PAG1: variants seen among roughly 807,000 people sequenced by gnomAD.
PAG1 encodes the protein phosphoprotein membrane anchor with glycosphingolipid microdomains 1, also known as phosphoprotein associated with glycosphingolipid-enriched microdomains 1.
In PAG1, 23 loss-of-function variants were observed where a neutral mutation model predicts 31.7. That is an observed-to-expected ratio of 0.73 (90% CI 0.52 to 1.03). PAG1 has a LOEUF of 1.03. Among genes scored for constraint, PAG1 ranks in the 50% least tolerant of loss-of-function variants. The pLI is 0.00. For synonymous variants in PAG1, 214 were observed against 210.3 expected (o/e 1.02, Z -0.15); for missense variants, 473 against 540.7 (o/e 0.87, Z 1.24).
At chr8:81,051,583 T>C (rs77297124) in intron 2 of PAG1, among the ~76,000 whole-genome samples, 16,295 of 152,178 alleles carry the variant, frequency 0.11, 999 homozygotes, top group East Asian at 0.22. Context: ...ATTAGAATGA[T>C]GAGAAAAGGA....
chr8:81,101,638 G>A (rs545867437), intron 1 of PAG1, among the ~76,000 whole-genome samples: 4 of 152,146 alleles, frequency 2.6e-5, no homozygotes, highest in East Asian at 1.9e-4. Flanking sequence ...TGCTCTGTGC[G>A]CCTACTGATA....
At chr8:81,000,722 A>T (rs1180091747) in intron 3 of PAG1, among the ~76,000 whole-genome samples, 1 of 152,174 alleles carries the variant, frequency 6.6e-6, no homozygotes, top group East Asian at 1.9e-4. Flanking sequence ...GATTATAGGC[A>T]TGAGCCACCG....
chr8:81,057,082 G>C (rs1808836206), intron 2 of PAG1, among the ~76,000 whole-genome samples: 1 of 152,178 alleles, frequency 6.6e-6, no homozygotes, highest in African/African-American at 2.4e-5. Context: ...AGGTGCTGGA[G>C]AGGATGTGAA....
intron 1 of PAG1, among the ~76,000 whole-genome samples, chr8:81,078,028 A>T (rs984720725): frequency 1.3e-5 from 2 of 152,232 alleles, no homozygotes; most frequent in African/African-American, 4.8e-5. Flanking sequence ...ATTATTTCCG[A>T]CATGGCCATT....
At position 81,096,668 on chromosome 8, in the gene PAG1, G is replaced by A. The variant is rs182759719; in HGVS notation, c.-234+14923C>T. Reference sequence around the variant, plus strand: ...GTGAGTTTCAAGTGAGCTGACAGCAGATGAGCGGGGAGGGTGCATGGCTTT... The same window carrying A: ...GTGAGTTTCAAGTGAGCTGACAGCAAATGAGCGGGGAGGGTGCATGGCTTT... On this transcript the variant is annotated intron_variant, in intron 1 of 8. Transcript: ENST00000220597. Among the ~76,000 whole-genome samples the A allele has an allele frequency of 4.6e-5, 7 of 152,334 alleles. No individual in the cohort carries two copies. The East Asian group carries it at 1.2e-3, about 25-fold the overall frequency.
intron 2 of PAG1, among the ~76,000 whole-genome samples, chr8:81,068,094 A>C (rs1809036174): frequency 6.6e-6 from 1 of 152,146 alleles, no homozygotes; most frequent in Non-Finnish European, 1.5e-5. Context: ...ACGGGGTTTC[A>C]CCATGTTGGC....
chr8:80,968,915 G>A lies in PAG1; in HGVS notation c.*7629C>T, dbSNP rs1268612723. 1 of 152,184 alleles carries A rather than the reference G, an allele frequency of 6.6e-6. No individual in the cohort carries two copies. The highest frequency in any genetic ancestry group is 1.5e-5 in the Non-Finnish European group (1 of 68,040). The allele number at this position is 152,184 out of a possible 1,614,324, so 9.4% of individuals were successfully genotyped here. On this transcript the variant is annotated 3_prime_UTR_variant, in exon 9 of 9. Transcript: ENST00000220597. The stretch of plus-strand genomic sequence containing the variant: ...GACATGAGAACTGAGACACACAGGG[G>A]CAGCAAGTCTGAATTTTGCTCTCAT...
intron 2 of PAG1, among the ~76,000 whole-genome samples, chr8:81,049,698 C>T (rs908327160): frequency 7.9e-5 from 12 of 152,178 alleles, no homozygotes; most frequent in Non-Finnish European, 1.8e-4. Context: ...CTTATATCAC[C>T]ATTTTCCAGT....
intron 1 of PAG1, among the ~76,000 whole-genome samples, chr8:81,074,644 C>T (rs555179879): frequency 1.8e-4 from 27 of 152,276 alleles, no homozygotes; most frequent in Non-Finnish European, 2.9e-4. Context: ...ATGGCAGAAT[C>T]TCAGACCCTA....
rs1235168358 is a variant in PAG1, at chr8:80,987,435, A to C, written c.209T>G (p.Val70Gly). Residue 70 changes from valine to glycine, a missense_variant, in exon 6 of 9, where the codon GTT (valine) becomes GGT (glycine). Transcript: ENST00000220597. Reference sequence around the variant, plus strand: ...AGGAGCATCTGTTGCCAGGCTAGTAACTGAACGGCTGAACATCTCCTTGTC... The same window carrying C: ...AGGAGCATCTGTTGCCAGGCTAGTACCTGAACGGCTGAACATCTCCTTGTC... ...PSDKEMFSRS[V>G]TSLATDAPAS... The C allele has an allele frequency of 6.2e-7, 1 of 1,614,034 alleles. No homozygotes were observed. The highest frequency in any genetic ancestry group is 8.5e-7 in the Non-Finnish European group (1 of 1,179,878).
chr8:80,986,952 A>G (rs1807437062), intron 6 of PAG1, among the ~76,000 whole-genome samples: 1 of 152,188 alleles, frequency 6.6e-6, no homozygotes, highest in South Asian at 2.1e-4. Flanking sequence ...CAGAATTGCA[A>G]GTCAATAAAT....
chr8:81,054,888 TGATGAAGACTG>T (rs1449839509), intron 2 of PAG1, among the ~76,000 whole-genome samples: 2 of 151,964 alleles, frequency 1.3e-5, no homozygotes, highest in Non-Finnish European at 2.9e-5. Context: ...CAAAAGCTCA[TGATGAAGACTG>T]GATGGGAGAA....
chr8:81,079,113 G>GT (rs1809224023), intron 1 of PAG1, among the ~76,000 whole-genome samples: 2 of 151,922 alleles, frequency 1.3e-5, no homozygotes, highest in African/African-American at 2.4e-5. Flanking sequence ...GCAACCAGAG[G>GT]TCAGACAGAA....
At chr8:81,024,939 T>C (rs1808249493) in intron 3 of PAG1, among the ~76,000 whole-genome samples, 1 of 152,196 alleles carries the variant, frequency 6.6e-6, no homozygotes, top group Non-Finnish European at 1.5e-5. Flanking sequence ...ATCTTATTCT[T>C]AAAACTCTTC....
intron 2 of PAG1, among the ~76,000 whole-genome samples, chr8:81,033,036 T>C (rs760795070): frequency 7.2e-5 from 11 of 152,120 alleles, no homozygotes; most frequent in Non-Finnish European, 1.6e-4. Flanking sequence ...AGAAAGTAGA[T>C]TTGTGTTCCT....
At chr8:81,096,395 T>C (rs981119321) in intron 1 of PAG1, among the ~76,000 whole-genome samples, 4 of 152,148 alleles carry the variant, frequency 2.6e-5, no homozygotes, top group Non-Finnish European at 2.9e-5. Context: ...GCCCAACTCC[T>C]GGACTTGATA....
intron 3 of PAG1, among the ~76,000 whole-genome samples, chr8:80,997,676 T>C (rs1355509267): frequency 6.6e-6 from 1 of 152,222 alleles, no homozygotes; most frequent in Non-Finnish European, 1.5e-5. Flanking sequence ...TAACACTTAA[T>C]TTTGGCACCT....
intron 2 of PAG1, among the ~76,000 whole-genome samples, chr8:81,039,020 A>G (rs923930368): frequency 1.3e-5 from 2 of 152,202 alleles, no homozygotes; most frequent in African/African-American, 4.8e-5. Flanking sequence ...TTAAGTGCCC[A>G]GTAAATGTTA....
At position 81,106,265 on chromosome 8, in the gene PAG1, C is replaced by T. The variant is rs182336527; in HGVS notation, c.-234+5326G>A. 5.3e-5 allele frequency among the ~76,000 whole-genome samples: 8 copies of T among 152,200 alleles called. No individual in the cohort carries two copies. In the East Asian group the frequency reaches 1.5e-3, roughly 29 times the overall value. The stretch of plus-strand genomic sequence containing the variant: ...TTCACCATGTTGGCCAGGCTGGTCT[C>T]GAACCCCTGACCTCAAGTGATCCAC... On this transcript the variant is annotated intron_variant, in intron 1 of 8. Coordinates refer to ENST00000220597, the MANE Select transcript of PAG1 (RefSeq NM_018440.4).
Sources: allele counts gnomAD v4.1 joint callset (sites outside exome capture counted in the v4.1 genomes callset), GRCh38; gene constraint gnomAD v4.1.1; transcripts MANE v1.5; gene names NCBI Gene and HGNC (gene_info 2026-07-23, HGNC 2026-07-21).